The following TLE3 variants were observed in gnomAD, a reference collection of about 807,000 sequenced individuals.
The protein encoded by TLE3 is TLE family member 3, transcriptional corepressor, also known as transducin-like enhancer protein 3.
In TLE3, 14 loss-of-function variants were observed where a neutral mutation model predicts 93.0. That is an observed-to-expected ratio of 0.15 (90% CI 0.10 to 0.24). The LOEUF (loss-of-function observed/expected upper bound fraction) is 0.24. TLE3 is among the 10% of genes least tolerant of loss of function. TLE3 has a pLI of 1.00. For missense variants in TLE3, 693 were observed against 1,046.6 expected (o/e 0.66, Z 4.66); for synonymous variants, 451 against 425.0 (o/e 1.06, Z -0.75).
At chr15:70,054,219 C>A (rs1024389703) in intron 16 of TLE3, 2 of 566,660 alleles carry the variant, frequency 3.5e-6, no homozygotes, top group Admixed American at 3.4e-5. Context: ...CACTTTCTTC[C>A]CAGAGCCCTC....
intron 9 of TLE3, among the ~76,000 whole-genome samples, chr15:70,059,813 CA>C (rs2056344367): frequency 1.3e-5 from 2 of 152,228 alleles, no homozygotes; most frequent in South Asian, 4.1e-4. Context: ...TTACATCCAC[CA>C]TCCTTCACAG....
chr15:70,097,698 G>A lies in TLE3; in HGVS notation c.-900C>T. ...GGAGGGGAGACGCAGCCCGAGACCGGGGAGCTCTACGGCTTCCTTCCTTCC... is the reference window on the plus strand; with the variant it reads ...GGAGGGGAGACGCAGCCCGAGACCGAGGAGCTCTACGGCTTCCTTCCTTCC... On this transcript the variant is annotated 5_prime_UTR_variant, in exon 1 of 20. Transcript: ENST00000451782. 1 of 397,448 alleles carries A rather than the reference G, an allele frequency of 2.5e-6. No individual in the cohort carries two copies. The highest frequency in any genetic ancestry group is 4.4e-6 in the Non-Finnish European group (1 of 225,288). 24.6% of individuals were successfully genotyped at this position (397,448 alleles called of 1,614,324 possible).
At chr15:70,081,822 G>C (rs1403684041) in intron 4 of TLE3, among the ~76,000 whole-genome samples, 1 of 152,234 alleles carries the variant, frequency 6.6e-6, no homozygotes, top group African/African-American at 2.4e-5. Context: ...CCATTTGAAA[G>C]GTGAATTACA....
Position 70,096,081 on chromosome 15 carries a change from G to C in TLE3, c.125+80C>G, listed in dbSNP as rs1037418618. 1.1e-5 allele frequency: 16 copies of C among 1,469,788 alleles called. No homozygotes were observed. The East Asian group carries it at 2.8e-4, about 25-fold the overall frequency. 91.0% of individuals were successfully genotyped at this position (1,469,788 alleles called of 1,614,324 possible). ...CGCCCCTAGGTCGGGAGCCCCCTCC[G>C]TCCCCGCGGGGGATGGCAGGAGCCG... On this transcript the variant is annotated intron_variant, in intron 2 of 19. Transcript: ENST00000451782.
chr15:70,066,955 G>A (rs533153466), intron 6 of TLE3: 3 of 357,912 alleles, frequency 8.4e-6, no homozygotes, highest in African/African-American at 2.1e-5. Flanking sequence ...AAGGGGGAAA[G>A]CAGCAGACCC....
rs748250076 is a variant in TLE3, at chr15:70,096,283, CA to C, written c.25-23del. The C allele has an allele frequency of 6.7e-5, 104 of 1,550,434 alleles. No individual in the cohort carries two copies. In the Middle Eastern group the frequency reaches 8.4e-4, roughly 13 times the overall value. On this transcript the variant is annotated intron_variant, in intron 1 of 19. Transcript: ENST00000451782. ...GAGCCTGGAGCCCGCGAAGACAAGA[CA>C]GGGGAGGGGGCGGGGGCATGAGACC...
chr15:70,086,848 T>C (rs1046293422), intron 4 of TLE3, among the ~76,000 whole-genome samples: 2 of 152,136 alleles, frequency 1.3e-5, no homozygotes, highest in African/African-American at 4.8e-5. Flanking sequence ...TCCTCCCAGT[T>C]ATCTCTTCGC....
chr15:70,079,289 C>T, intron 4 of TLE3: 1 of 460,630 alleles, frequency 2.2e-6, no homozygotes, highest in Non-Finnish European at 4.3e-6. Flanking sequence ...TTTCCTGAGG[C>T]CCATGTTCGA....
rs879712382 is a variant in TLE3, at chr15:70,053,048, T to C, written c.1974+179A>G. Reference sequence around the variant, plus strand: ...CCAAATGTGTCCAACCCCAAGGTCATCTCCATCTGTTTCACTGCTGCTTCC... The same window carrying C: ...CCAAATGTGTCCAACCCCAAGGTCACCTCCATCTGTTTCACTGCTGCTTCC... On this transcript the variant is annotated intron_variant, in intron 17 of 19. Transcript: ENST00000451782. 6 of 728,120 alleles carry C rather than the reference T, an allele frequency of 8.2e-6. No individual in the cohort carries two copies. The Admixed American group carries it at 1.5e-4, about 18-fold the overall frequency. The allele number at this position is 728,120 out of a possible 1,614,324, so 45.1% of individuals were successfully genotyped here. A position where few individuals can be genotyped will look rare whatever the true frequency, so the allele number is the denominator to read the frequency against.
rs773322251 is a variant in TLE3 at position 70,066,099 on chromosome 15, G to A, written c.492C>T (p.Ser164=). Residue 164 remains serine, a synonymous_variant, in exon 7 of 20, where the codon TCC becomes TCT. Coordinates refer to ENST00000451782, the MANE Select transcript of TLE3 (RefSeq NM_001105192.3). The part of the protein sequence containing the change: ...PGIPPVTGSS[S]GLLALGALGS... ...CCAGGGCGCCCAGTGCCAGCAGCCC[G>A]GAGCTGCTCCCTGTCACTGGGGGGA... The A allele has an allele frequency of 6.7e-5, 106 of 1,581,288 alleles. No individual in the cohort carries two copies. Among genetic ancestry groups the A allele is most frequent in the Non-Finnish European group, 8.4e-5 (98 of 1,162,844 alleles).
intron 6 of TLE3, chr15:70,067,015 A>C (rs2056857677): frequency 4.7e-6 from 1 of 211,000 alleles, no homozygotes; most frequent in South Asian, 4.8e-5. Context: ...GCGCACAGCT[A>C]CTAAGCCTCA....
At chr15:70,052,547 T>A (rs528459558) in intron 17 of TLE3, 23 bp from the exon 18 acceptor site, 2 of 1,608,270 alleles carry the variant, frequency 1.2e-6, no homozygotes, top group African/African-American at 1.3e-5. Context: ...GGAGGGCAGA[T>A]GGACTGAGCT....
At chr15:70,066,395 G>A (rs1013003987) in intron 6 of TLE3, among the ~76,000 whole-genome samples, 177 bp from the exon 7 acceptor site, 7 of 152,188 alleles carry the variant, frequency 4.6e-5, no homozygotes, top group African/African-American at 1.2e-4. Flanking sequence ...TGAATGTCTC[G>A]CTGAAGGAAG....
intron 4 of TLE3, chr15:70,079,525 A>G: frequency 2.3e-6 from 1 of 430,574 alleles, no homozygotes; most frequent in Non-Finnish European, 4.6e-6. Context: ...ATCTGCTAGT[A>G]CCCTCTTGGG....
chr15:70,056,894 G>A (rs763127693), intron 13 of TLE3, among the ~76,000 whole-genome samples: 19 of 151,938 alleles, frequency 1.3e-4, no homozygotes, highest in Non-Finnish European at 2.4e-4. Context: ...CCCGAATAGC[G>A]CCTGCCACCA....
Position 70,054,517 on chromosome 15 carries a change from G to A in TLE3, c.1747C>T (p.Pro583Ser). 1 of 1,614,068 alleles carries A rather than the reference G, an allele frequency of 6.2e-7. No individual in the cohort carries two copies. Among genetic ancestry groups the A allele is most frequent in the Non-Finnish European group, 8.5e-7 (1 of 1,179,910 alleles). ...CAGGAGAAGCAGACTTTGGCGTCAG[G>A]GCTAATGGCCAGGGCATAACAGGCG... ...APACYALAIS[P>S]DAKVCFSCCS... The change falls in exon 16 of 20, where the codon CCT becomes TCT. Residue 583 changes from proline (P) to serine (S), a missense_variant. Physicochemically the swap from Pro to Ser is moderately conservative, Grantham distance 74. This residue lies in a region of TLE3 where 153 missense variants were observed against 379.9 expected (regional missense o/e 0.40). Transcript: ENST00000451782.
At chr15:70,055,577 T>A (rs759579080) in intron 14 of TLE3, 5 of 375,012 alleles carry the variant, frequency 1.3e-5, no homozygotes, top group Non-Finnish European at 2.4e-5. Flanking sequence ...TTTCCCACGA[T>A]CCATACATTC....
rs762068389 is a variant in TLE3 at position 70,055,181 on chromosome 15, G to A, written c.1446C>T (p.His482=). 21 of 1,613,980 alleles carry A rather than the reference G, an allele frequency of 1.3e-5. No homozygotes were observed. The highest frequency in any genetic ancestry group is 8.9e-5 in the East Asian group (4 of 44,880). ...RHARQINTLS[H]GEVVCAVTIS... ...TGGTCACGGCACACACCACCTCCCC[G>A]TGGCTGAGTGTGTTGATCTGCCGGG... is the stretch of plus-strand genomic sequence containing the variant. Residue 482 remains histidine, a synonymous_variant, in exon 15 of 20, where the codon CAC becomes CAT. Transcript: ENST00000451782.
At chr15:70,089,492 G>A (rs767349834) in intron 4 of TLE3, among the ~76,000 whole-genome samples, 21 of 152,232 alleles carry the variant, frequency 1.4e-4, no homozygotes, top group African/African-American at 2.6e-4. Context: ...CAGAGCGGGC[G>A]GCCAGCCCAC....
Sources: allele counts gnomAD v4.1 joint callset (sites outside exome capture counted in the v4.1 genomes callset), GRCh38; gene constraint gnomAD v4.1.1; regional missense constraint gnomAD v4.1.1; transcripts MANE v1.5; gene names NCBI Gene and HGNC (gene_info 2026-07-23, HGNC 2026-07-21).